Variants in IL1RAPL1 observed in about 807,000 individuals in gnomAD.
IL1RAPL1 encodes interleukin 1 receptor accessory protein like 1, also known as interleukin-1 receptor accessory protein-like 1.
In IL1RAPL1, 3 loss-of-function variants were observed where a neutral mutation model predicts 48.4. The observed-to-expected ratio is 0.06, with a 90% CI of 0.03 to 0.16. The LOEUF is 0.16. Among genes scored for constraint, IL1RAPL1 ranks in the 10% least tolerant of loss-of-function variants. The probability of loss-of-function intolerance (pLI) is 1.00; values close to 1 mark genes in which losing one functional copy is unlikely to be tolerated. For missense variants in IL1RAPL1, 349 were observed against 530.6 expected (o/e 0.66, Z 3.36); for synonymous variants, 185 against 187.7 (o/e 0.99, Z 0.12).
At chrX:29,719,885 A>G (rs1329434815) in intron 6 of IL1RAPL1, among the ~76,000 whole-genome samples, 1 of 110,918 alleles carries the variant, frequency 9.0e-6, no homozygotes, top group Non-Finnish European at 1.9e-5. Flanking sequence ...TAGACCCTAG[A>G]GTCTTATCTC....
intron 5 of IL1RAPL1, among the ~76,000 whole-genome samples, chrX:29,470,078 T>C (rs939630983): frequency 4.4e-5 from 5 of 112,450 alleles, no homozygotes; most frequent in African/African-American, 1.6e-4. Context: ...TAGAACAGAC[T>C]AATTTGAAGA....
At chrX:28,598,886 C>T (rs1933987669) in intron 1 of IL1RAPL1, among the ~76,000 whole-genome samples, 1 of 108,659 alleles carries the variant, frequency 9.2e-6, no homozygotes, top group South Asian at 4.1e-4. Context: ...CCTTGGCCTC[C>T]CAAAGTGCTG....
intron 2 of IL1RAPL1, among the ~76,000 whole-genome samples, chrX:28,933,029 G>T (rs975543927): frequency 1.8e-5 from 2 of 111,002 alleles, no homozygotes; most frequent in Non-Finnish European, 3.8e-5. Context: ...ATGATTTTTT[G>T]AATGAATTCT....
intron 6 of IL1RAPL1, among the ~76,000 whole-genome samples, chrX:29,813,793 C>T (rs1443369479): frequency 4.5e-5 from 5 of 110,922 alleles, no homozygotes; most frequent in Non-Finnish European, 7.6e-5. Context: ...ATATTTATAT[C>T]TATATGTACT....
chrX:29,528,663 T>C (rs1286128005), intron 5 of IL1RAPL1, among the ~76,000 whole-genome samples: 1 of 112,399 alleles, frequency 8.9e-6, no homozygotes, highest in Non-Finnish European at 1.9e-5. Flanking sequence ...CTGGAAGGGC[T>C]TGGCCCCTTT....
intron 5 of IL1RAPL1, among the ~76,000 whole-genome samples, chrX:29,471,415 G>T (rs1233873293): frequency 9.0e-6 from 1 of 111,235 alleles, no homozygotes; most frequent in Non-Finnish European, 1.9e-5. Flanking sequence ...CATAGAACTG[G>T]GTTTTAGGGC....
chrX:29,077,509 C>T (rs1297981870), intron 2 of IL1RAPL1, among the ~76,000 whole-genome samples: 3 of 106,488 alleles, frequency 2.8e-5, no homozygotes, highest in Admixed American at 1.0e-4. Context: ...AGGCTGAGGT[C>T]GGAGAATCGC....
chrX:29,127,454 CCTT>C (rs1239386804), intron 2 of IL1RAPL1, among the ~76,000 whole-genome samples: 3 of 111,777 alleles, frequency 2.7e-5, no homozygotes, highest in Non-Finnish European at 5.6e-5. Flanking sequence ...CTGATCTAGC[CCTT>C]CTTCTATCAT....
At chrX:28,853,913 G>T (rs1014216654) in intron 2 of IL1RAPL1, among the ~76,000 whole-genome samples, 3 of 111,662 alleles carry the variant, frequency 2.7e-5, no homozygotes, top group Non-Finnish European at 5.7e-5. Context: ...TAAAGAGAAG[G>T]TACAATTTGA....
chrX:29,866,980 T>A (rs916215316), intron 6 of IL1RAPL1, among the ~76,000 whole-genome samples: 6 of 110,882 alleles, frequency 5.4e-5, no homozygotes, highest in African/African-American at 2.0e-4. Context: ...TGCTGTTAGT[T>A]CTCCCAACAA....
At chrX:29,761,300 T>C (rs968358581) in intron 6 of IL1RAPL1, among the ~76,000 whole-genome samples, 3 of 111,628 alleles carry the variant, frequency 2.7e-5, no homozygotes, top group Non-Finnish European at 5.7e-5. Context: ...GTACCTATTA[T>C]ACAATATCAG....
At chrX:28,748,799 T>G (rs1936007889) in intron 1 of IL1RAPL1, among the ~76,000 whole-genome samples, 1 of 111,685 alleles carries the variant, frequency 9.0e-6, no homozygotes, top group Non-Finnish European at 1.9e-5. Flanking sequence ...AGCAAGAACA[T>G]TACAAACCTT....
intron 6 of IL1RAPL1, among the ~76,000 whole-genome samples, chrX:29,705,279 A>G (rs1027551168): frequency 9.0e-6 from 1 of 111,704 alleles, no homozygotes; most frequent in African/African-American, 3.3e-5. Context: ...CAGTGGCACA[A>G]TCTTGGCTCA....
intron 5 of IL1RAPL1, among the ~76,000 whole-genome samples, chrX:29,545,275 A>T (rs995483568): frequency 1.8e-5 from 2 of 110,829 alleles, no homozygotes; most frequent in African/African-American, 3.3e-5. Context: ...TAGAAGTGAA[A>T]ATAACATGCT....
chrX:29,197,438 A>C (rs1930466596), intron 2 of IL1RAPL1, among the ~76,000 whole-genome samples: 1 of 111,663 alleles, frequency 9.0e-6, no homozygotes, highest in African/African-American at 3.3e-5. Context: ...CTTTAATGAA[A>C]ATGCAGCCTG....
intron 6 of IL1RAPL1, among the ~76,000 whole-genome samples, chrX:29,837,270 AAAATATATAT>A (rs1432098004): frequency 7.8e-5 from 4 of 51,351 alleles, no homozygotes; most frequent in South Asian, 8.6e-4. Context: ...AAAAAAAAAA[AAAATATATAT>A]ATATATATAT....
intron 2 of IL1RAPL1, among the ~76,000 whole-genome samples, chrX:29,060,936 T>TA (rs1190595870): frequency 9.0e-6 from 1 of 111,557 alleles, no homozygotes; most frequent in African/African-American, 3.2e-5. Flanking sequence ...TAGGATGAAA[T>TA]AAAAAATATT....
rs112975089 is a variant in IL1RAPL1 at position 28,773,061 on chromosome X, A to ATC, written c.-24-16238_-24-16237dup. 7.3e-3 allele frequency among the ~76,000 whole-genome samples: 773 copies of ATC among 105,446 alleles called. 7 individuals are homozygous for ATC. The highest frequency in any genetic ancestry group is 0.022 in the African/African-American group (634 of 28,953). 91.6% of individuals were successfully genotyped at this position (105,446 alleles called of 115,157 possible). The stretch of plus-strand genomic sequence containing the variant: ...TCAAATAATCCTTTTTTCTTATAAT[A>ATC]TCTCTCTCTCTCTCTCTCTCTCACT... On this transcript the variant is annotated intron_variant, in intron 1 of 10. Coordinates refer to ENST00000378993, the MANE Select transcript of IL1RAPL1 (RefSeq NM_014271.4).
intron 8 of IL1RAPL1, among the ~76,000 whole-genome samples, chrX:29,926,780 G>A (rs967864518): frequency 4.5e-5 from 5 of 111,429 alleles, no homozygotes; most frequent in Non-Finnish European, 9.4e-5. Flanking sequence ...ATGAAAATCA[G>A]AAATGTCTCC....
Sources: gnomAD v4.1 joint callset for allele counts (sites outside exome capture counted in the v4.1 genomes callset) on GRCh38, gnomAD v4.1.1 for gene constraint, MANE v1.5 for transcripts, NCBI Gene and HGNC (gene_info 2026-07-23, HGNC 2026-07-21) for gene names.